The following CYRIB variants were observed in gnomAD, a reference collection of about 807,000 sequenced individuals.
CYRIB encodes CYFIP related Rac1 interactor B, also known as CYFIP-related Rac1 interactor B.
CYRIB carries 8 observed loss-of-function variants against 44.2 expected under a neutral mutation model. The ratio of observed to expected loss-of-function variants is 0.18; its 90% confidence interval spans 0.11 to 0.33. The LOEUF (loss-of-function observed/expected upper bound fraction) is 0.33, where lower values mean the gene tolerates loss of function less well. CYRIB is among the 10% of genes least tolerant of loss of function. The pLI is 1.00. For synonymous variants in CYRIB, 131 were observed against 127.2 expected, an observed-to-expected ratio of 1.03 and a Z score of -0.20; for missense variants, 185 against 382.8, an observed-to-expected ratio of 0.48 and a Z score of 4.31.
At chr8:129,997,606 C>G (rs1442802117) in intron 1 of CYRIB, among the ~76,000 whole-genome samples, 1 of 152,180 alleles carries the variant, frequency 6.6e-6, no homozygotes, top group Non-Finnish European at 1.5e-5. Flanking sequence ...ACCATAACTT[C>G]CTGCAGAATT....
intron 1 of CYRIB, among the ~76,000 whole-genome samples, chr8:129,984,990 C>G (rs1176110436): frequency 6.6e-6 from 1 of 152,108 alleles, no homozygotes; most frequent in Non-Finnish European, 1.5e-5. Flanking sequence ...AGGCTGGTCT[C>G]GAACTCCTGA....
At chr8:129,873,873 C>A (rs2058223586) in intron 3 of CYRIB, among the ~76,000 whole-genome samples, 1 of 151,928 alleles carries the variant, frequency 6.6e-6, no homozygotes, top group South Asian at 2.1e-4. Context: ...AAACACCCAG[C>A]ACCACAATGA....
At chr8:129,840,523 C>T (rs1022881246) in exon 12 of CYRIB, 2 of 152,246 alleles carry the variant, frequency 1.3e-5, no homozygotes, top group Non-Finnish European at 1.5e-5. Context: ...CTCCTGGGGG[C>T]CACTATTCAG....
chr8:129,850,726 T>C (rs2042825240), intron 9 of CYRIB, 109 bp downstream of exon 11: 3 of 805,002 alleles, frequency 3.7e-6, no homozygotes, highest in East Asian at 2.5e-5. Context: ...ATATACTTAC[T>C]TTCCACCTTC....
At chr8:130,012,260 C>T (rs1013324960) in intron 1 of CYRIB, among the ~76,000 whole-genome samples, 14 of 152,138 alleles carry the variant, frequency 9.2e-5, no homozygotes, top group Admixed American at 5.9e-4. Flanking sequence ...GTACTCTTCT[C>T]GACAAGCTCT....
chr8:130,000,324 T>C (rs1234838434), intron 1 of CYRIB, among the ~76,000 whole-genome samples: 1 of 152,204 alleles, frequency 6.6e-6, no homozygotes, highest in East Asian at 1.9e-4. Flanking sequence ...GTCCCCCTTT[T>C]GCATCTAATC....
At chr8:129,886,574 G>A (rs550443788) in intron 2 of CYRIB, among the ~76,000 whole-genome samples, 3 of 151,960 alleles carry the variant, frequency 2.0e-5, no homozygotes, top group Non-Finnish European at 4.4e-5. Context: ...AGCATCTTTT[G>A]TTTCTCTCCT....
intron 2 of CYRIB, among the ~76,000 whole-genome samples, chr8:129,895,190 A>G (rs1441145159): frequency 6.7e-6 from 1 of 150,128 alleles, no homozygotes; most frequent in African/African-American, 2.4e-5. Flanking sequence ...TTTTGTAGAG[A>G]CAGGATCTCA....
intron 1 of CYRIB, among the ~76,000 whole-genome samples, chr8:129,926,782 C>T (rs1475653149): frequency 6.6e-6 from 1 of 152,174 alleles, no homozygotes; most frequent in African/African-American, 2.4e-5. Flanking sequence ...CAGTGGGGAT[C>T]AGTCCTCACA....
chr8:129,944,196 G>A (rs1403890300), upstream of CYRIB, among the ~76,000 whole-genome samples: 1 of 152,190 alleles, frequency 6.6e-6, no homozygotes, highest in African/African-American at 2.4e-5. Context: ...GACTACAGTG[G>A]TAGGGAGAAC....
At chr8:129,890,337 A>G (rs932119522) in intron 2 of CYRIB, 10 of 152,320 alleles carry the variant, frequency 6.6e-5, no homozygotes, top group African/African-American at 2.4e-4. Context: ...TTCAGCAACT[A>G]CTACCTTGAT....
chr8:129,960,925 G>A (rs962409552), intron 2 of CYRIB, among the ~76,000 whole-genome samples: 7 of 150,276 alleles, frequency 4.7e-5, no homozygotes, highest in African/African-American at 1.5e-4. Context: ...ACTCCAGCCT[G>A]GGCGACAGAG....
At chr8:129,968,310 A>T (rs1265657720) in intron 2 of CYRIB, among the ~76,000 whole-genome samples, 2 of 152,148 alleles carry the variant, frequency 1.3e-5, no homozygotes, top group Non-Finnish European at 2.9e-5. Context: ...AATTTTAATG[A>T]TTATTTTTCC....
intron 4 of CYRIB, among the ~76,000 whole-genome samples, chr8:129,867,919 C>A (rs2054701889): frequency 6.6e-6 from 1 of 152,136 alleles, no homozygotes; most frequent in Non-Finnish European, 1.5e-5. Flanking sequence ...TCCAAAAAGA[C>A]TACCCATTTT....
chr8:129,985,321 G>A (rs1393694736), intron 1 of CYRIB, among the ~76,000 whole-genome samples: 4 of 152,176 alleles, frequency 2.6e-5, no homozygotes, highest in East Asian at 3.9e-4. Flanking sequence ...CAGAAGGCCG[G>A]TCTTTCTCAC....
At chr8:129,887,684 C>T (rs1165008654) in intron 2 of CYRIB, among the ~76,000 whole-genome samples, 1 of 152,220 alleles carries the variant, frequency 6.6e-6, no homozygotes, top group African/African-American at 2.4e-5. Flanking sequence ...GGAGCCCACC[C>T]CTTACATCAG....
At chr8:129,967,122 A>G (rs536999672) in intron 2 of CYRIB, among the ~76,000 whole-genome samples, 3 of 152,192 alleles carry the variant, frequency 2.0e-5, no homozygotes, top group Non-Finnish European at 4.4e-5. Flanking sequence ...TAAAAAAACA[A>G]CAACAAACAG....
intron 2 of CYRIB, among the ~76,000 whole-genome samples, chr8:129,892,520 T>G (rs1308947844): frequency 1.3e-5 from 2 of 152,186 alleles, no homozygotes; most frequent in Non-Finnish European, 2.9e-5. Context: ...AACTATGGCT[T>G]TCTTTATATA....
chr8:129,946,491 G>A (rs536333769), intron 2 of CYRIB, among the ~76,000 whole-genome samples: 2 of 152,120 alleles, frequency 1.3e-5, no homozygotes, highest in Non-Finnish European at 2.9e-5. Flanking sequence ...GATATTTAAC[G>A]AAGAAAGGGG....
Sources: gnomAD v4.1 joint callset for allele counts (sites outside exome capture counted in the v4.1 genomes callset) on GRCh38, gnomAD v4.1.1 for gene constraint, MANE v1.5 for transcripts, NCBI Gene and HGNC (gene_info 2026-07-23, HGNC 2026-07-21) for gene names.